C10orf67: variants seen among roughly 807,000 people sequenced by gnomAD.
C10orf67 encodes the protein uncharacterized protein C10orf67, mitochondrial.
Under a neutral mutation model 35.6 loss-of-function variants are expected in C10orf67, and 60 were observed. The ratio of observed to expected loss-of-function variants is 1.68; its 90% CI spans 1.37 to 2.09. The LOEUF (loss-of-function observed/expected upper bound fraction) is 2.09, where lower values mean the gene tolerates loss of function less well. Among genes scored for constraint, C10orf67 ranks in the 30% most tolerant of loss-of-function variants. C10orf67 has a pLI of 0.00. For synonymous variants in C10orf67, 167 were observed against 115.8 expected (o/e 1.44, Z -2.84); for missense variants, 474 against 330.2 (o/e 1.44, Z -3.38).
chr10:23,344,115 G>T (rs1294863845), intron 1 of C10orf67: 3 of 191,972 alleles, frequency 1.6e-5, no homozygotes, highest in Non-Finnish European at 3.2e-5. Context: ...GCGGGAATCC[G>T]TGGGCGGGGG....
intron 8 of C10orf67, among the ~76,000 whole-genome samples, chr10:23,269,894 A>G (rs918705660): frequency 2.6e-5 from 4 of 152,222 alleles, no homozygotes; most frequent in African/African-American, 9.6e-5. Flanking sequence ...CAAAATTGGC[A>G]AAATTATGAG....
At chr10:23,334,856 A>AG (rs993566704) in intron 1 of C10orf67, among the ~76,000 whole-genome samples, 1 of 152,222 alleles carries the variant, frequency 6.6e-6, no homozygotes, top group South Asian at 2.1e-4. Flanking sequence ...GGTGACTACA[A>AG]GGGGGGCCAG....
intron 1 of C10orf67, among the ~76,000 whole-genome samples, chr10:23,336,055 C>A (rs1845668525): frequency 6.6e-6 from 1 of 152,160 alleles, no homozygotes; most frequent in African/African-American, 2.4e-5. Flanking sequence ...AGAAGAACAG[C>A]AAGCCTGGTG....
At chr10:23,313,505 G>A (rs778712906) in intron 4 of C10orf67, among the ~76,000 whole-genome samples, 11 of 152,134 alleles carry the variant, frequency 7.2e-5, no homozygotes, top group Non-Finnish European at 1.2e-4. Context: ...TACATGCCAC[G>A]CAGTCTGCTG....
At chr10:23,337,188 A>G (rs1029165852) in intron 1 of C10orf67, among the ~76,000 whole-genome samples, 2 of 152,228 alleles carry the variant, frequency 1.3e-5, no homozygotes, top group African/African-American at 4.8e-5. Flanking sequence ...ATAAATATAG[A>G]AAAAAAGCAG....
At chr10:23,216,505 C>T (rs572768345) in intron 15 of C10orf67, among the ~76,000 whole-genome samples, 1 of 151,976 alleles carries the variant, frequency 6.6e-6, no homozygotes, top group Non-Finnish European at 1.5e-5. Context: ...TTTAGTAAAC[C>T]TCTCACACAT....
At chr10:23,329,026 GAAAA>G (rs1564517145) in intron 2 of C10orf67, among the ~76,000 whole-genome samples, 17 of 135,770 alleles carry the variant, frequency 1.3e-4, no homozygotes, top group Admixed American at 3.6e-4. Flanking sequence ...AAGAAAGAAA[GAAAA>G]AAAGAAAAGA....
At chr10:23,247,286 C>G (rs902836425) in intron 12 of C10orf67, among the ~76,000 whole-genome samples, 1 of 152,132 alleles carries the variant, frequency 6.6e-6, no homozygotes, top group African/African-American at 2.4e-5. Context: ...GTGCCTTATA[C>G]AGGTGGACCA....
At chr10:23,238,104 A>C (rs1332273114) in intron 13 of C10orf67, among the ~76,000 whole-genome samples, 1 of 152,184 alleles carries the variant, frequency 6.6e-6, no homozygotes, top group African/African-American at 2.4e-5. Context: ...CACCTCATGG[A>C]ATTTACAGTC....
At chr10:23,344,430 C>T (rs1846056482) in intron 1 of C10orf67, 139 bp downstream of exon 1, 6 of 869,178 alleles carry the variant, frequency 6.9e-6, no homozygotes, top group African/African-American at 3.4e-5. Context: ...CAAGGCTTCC[C>T]CACAAGACTC....
intron 8 of C10orf67, among the ~76,000 whole-genome samples, chr10:23,271,356 TACAA>T (rs1220447138): frequency 6.6e-6 from 1 of 152,234 alleles, no homozygotes; most frequent in Non-Finnish European, 1.5e-5. Context: ...TTTTTGCTCT[TACAA>T]ACAAAGCTGC....
At chr10:23,319,148 C>T (rs565707903) in intron 4 of C10orf67, among the ~76,000 whole-genome samples, 1 of 152,054 alleles carries the variant, frequency 6.6e-6, no homozygotes, top group South Asian at 2.1e-4. Context: ...TGATCTTCAC[C>T]CTCCTCCCAC....
At chr10:23,337,710 A>C (rs1302040750) in intron 1 of C10orf67, among the ~76,000 whole-genome samples, 1 of 152,204 alleles carries the variant, frequency 6.6e-6, no homozygotes, top group Non-Finnish European at 1.5e-5. Context: ...AAGGTTAATG[A>C]GGGGAAAAAT....
intron 4 of C10orf67, among the ~76,000 whole-genome samples, chr10:23,319,310 T>C (rs537249938): frequency 1.3e-5 from 2 of 152,296 alleles, no homozygotes; most frequent in Admixed American, 6.5e-5. Context: ...TCCAGCTCCA[T>C]CCATGTTGCT....
intron 8 of C10orf67, among the ~76,000 whole-genome samples, chr10:23,278,622 T>G (rs1034433711): frequency 6.6e-6 from 1 of 152,120 alleles, no homozygotes; most frequent in African/African-American, 2.4e-5. Context: ...CACGCCAGCA[T>G]GAGGGTGGGC....
intron 10 of C10orf67, among the ~76,000 whole-genome samples, chr10:23,263,015 C>T (rs1278596037): frequency 6.6e-6 from 1 of 152,188 alleles, no homozygotes; most frequent in Non-Finnish European, 1.5e-5. Context: ...CATAATCCAT[C>T]AAAATATAGT....
intron 9 of C10orf67, 22 bp downstream of exon 9, chr10:23,267,173 G>A (rs549075363): frequency 1.4e-5 from 10 of 704,786 alleles, no homozygotes; most frequent in African/African-American, 1.4e-4. Flanking sequence ...GAAAGAGAGA[G>A]AGAAAAAACT....
intron 8 of C10orf67, among the ~76,000 whole-genome samples, chr10:23,273,729 T>C (rs897967737): frequency 6.6e-6 from 1 of 152,190 alleles, no homozygotes; most frequent in Non-Finnish European, 1.5e-5. Context: ...CAATAGCTGG[T>C]CCACAGTAAT....
chr10:23,330,565 C>G (rs1050609392), intron 2 of C10orf67, among the ~76,000 whole-genome samples: 5 of 151,936 alleles, frequency 3.3e-5, no homozygotes, highest in African/African-American at 1.2e-4. Context: ...AAGGTGAAAC[C>G]CTGTCTCTAC....
Sources: allele counts gnomAD v4.1 joint callset (sites outside exome capture counted in the v4.1 genomes callset), GRCh38; gene constraint gnomAD v4.1.1; transcripts MANE v1.5; gene names NCBI Gene and HGNC (gene_info 2026-07-23, HGNC 2026-07-21).